MYOM1: variants seen among roughly 807,000 people sequenced by gnomAD.
MYOM1 encodes myomesin 1.
Under a neutral mutation model 205.3 loss-of-function variants are expected in MYOM1, and 164 were observed. The observed-to-expected ratio is 0.80, with a 90% CI of 0.70 to 0.91. The LOEUF (loss-of-function observed/expected upper bound fraction) is 0.91. Among genes scored for constraint, MYOM1 ranks in the 40% least tolerant of loss-of-function variants. The pLI, the probability that MYOM1 is intolerant of heterozygous loss-of-function variation, is 0.00. For missense variants in MYOM1, 2,011 were observed against 2,127.3 expected (o/e 0.95, Z 1.08); for synonymous variants, 772 against 789.4 (o/e 0.98, Z 0.37).
chr18:3,070,705 C>A (rs1176531791), intron 37 of MYOM1, among the ~76,000 whole-genome samples: 1 of 150,752 alleles, frequency 6.6e-6, no homozygotes, highest in Non-Finnish European at 1.5e-5. Context: ...AGTTTAAAAC[C>A]AAATGGAAAG....
At chr18:3,158,993 G>C (rs897396613) in intron 10 of MYOM1, among the ~76,000 whole-genome samples, 1 of 151,918 alleles carries the variant, frequency 6.6e-6, no homozygotes, top group Non-Finnish European at 1.5e-5. Context: ...CTTCTTTCAT[G>C]ACATTTTAAT....
intron 26 of MYOM1, among the ~76,000 whole-genome samples, chr18:3,092,243 C>T (rs953556068): frequency 2.6e-5 from 4 of 152,190 alleles, no homozygotes; most frequent in Non-Finnish European, 5.9e-5. Flanking sequence ...GATGCCCAGG[C>T]TGGAGTGCAG....
chr18:3,195,234 T>C (rs1443972181), intron 2 of MYOM1, among the ~76,000 whole-genome samples: 3 of 152,212 alleles, frequency 2.0e-5, no homozygotes, highest in Non-Finnish European at 4.4e-5. Flanking sequence ...GGAGGTCGCA[T>C]GGAAATGGCC....
intron 37 of MYOM1, 95 bp downstream of exon 37, chr18:3,071,739 C>T (rs948490510): frequency 1.2e-5 from 14 of 1,174,790 alleles, no homozygotes; most frequent in Middle Eastern, 1.9e-4. Flanking sequence ...AGGTGGTGGG[C>T]TGTTAAGTGT....
chr18:3,143,137 C>G (rs2080075925), intron 13 of MYOM1, among the ~76,000 whole-genome samples: 1 of 152,052 alleles, frequency 6.6e-6, no homozygotes, highest in Non-Finnish European at 1.5e-5. Flanking sequence ...ATATTAAAAG[C>G]AGATAGAGAA....
intron 2 of MYOM1, among the ~76,000 whole-genome samples, chr18:3,196,159 C>T (rs1486862708): frequency 1.3e-5 from 2 of 152,006 alleles, no homozygotes; most frequent in Non-Finnish European, 1.5e-5. Context: ...GGCTACCAAA[C>T]AAAACTAAAT....
At chr18:3,239,157 G>T in the MYOM1 span, among the ~76,000 whole-genome samples, 1 of 152,124 alleles carries the variant, frequency 6.6e-6, no homozygotes, top group Non-Finnish European at 1.5e-5. Flanking sequence ...ATGTTGATGG[G>T]GATACTCCAA....
chr18:3,127,305 A>ACAT (rs2079805401), intron 18 of MYOM1, among the ~76,000 whole-genome samples: 1 of 47,580 alleles, frequency 2.1e-5, no homozygotes, highest in South Asian at 8.8e-4. Flanking sequence ...ATATATATAT[A>ACAT]TTTTTTTTTT....
Position 3,152,715 on chromosome 18 carries a change from T to G in MYOM1, c.1644-822A>C, listed in dbSNP as rs2080238465. 6.6e-6 allele frequency among the ~76,000 whole-genome samples: 1 copy of G among 152,194 alleles called. No individual in the cohort carries two copies. ...TTTTTATGAGCAGAGTGCTGTACTT[T>G]TAGCTCATATCATTTCCCCAACATG... is the stretch of plus-strand genomic sequence containing the variant. On this transcript the variant is annotated intron_variant, in intron 11 of 37. Coordinates refer to ENST00000356443, the MANE Select transcript of MYOM1 (RefSeq NM_003803.4). The surrounding 1 kb of genome is among the most constrained non-coding windows in gnomAD (Gnocchi z 4.3).
chr18:3,086,894 C>T (rs1288402158), intron 29 of MYOM1, among the ~76,000 whole-genome samples: 2 of 152,128 alleles, frequency 1.3e-5, no homozygotes, highest in Non-Finnish European at 2.9e-5. Context: ...TGGGTGAAAA[C>T]TACATACCAT....
chr18:3,143,878 G>A (rs2080084839), intron 13 of MYOM1, among the ~76,000 whole-genome samples: 1 of 124,584 alleles, frequency 8.0e-6, no homozygotes, highest in South Asian at 2.7e-4. Context: ...TCCAGCTTGG[G>A]CAACAGAGTG....
At chr18:3,156,258 G>C (rs1442653666) in intron 10 of MYOM1, among the ~76,000 whole-genome samples, 1 of 152,162 alleles carries the variant, frequency 6.6e-6, no homozygotes, top group African/African-American at 2.4e-5. Flanking sequence ...AGACATGCAG[G>C]AGCCACTCAC....
At chr18:3,176,841 C>T (rs2080648054) in intron 5 of MYOM1, among the ~76,000 whole-genome samples, 1 of 151,918 alleles carries the variant, frequency 6.6e-6, no homozygotes, top group Non-Finnish European at 1.5e-5. Context: ...GAGATTGTGC[C>T]ACTGCACTCC....
chr18:3,173,642 G>T (rs1201112014), intron 8 of MYOM1, among the ~76,000 whole-genome samples: 3 of 150,210 alleles, frequency 2.0e-5, no homozygotes, highest in African/African-American at 7.4e-5. Flanking sequence ...TTCTGCCCAG[G>T]TTTGCATAAT....
intron 8 of MYOM1, among the ~76,000 whole-genome samples, chr18:3,173,246 T>C (rs1178863377): frequency 1.3e-5 from 2 of 152,252 alleles, no homozygotes; most frequent in Non-Finnish European, 2.9e-5. Flanking sequence ...TAGGTTTTTA[T>C]TTAATCATAT....
chr18:3,151,914 G>A lies in MYOM1; in HGVS notation c.1644-21C>T, dbSNP rs572484517. 3.1e-6 allele frequency: 5 copies of A among 1,601,182 alleles called. No individual in the cohort carries two copies. The South Asian group carries it at 5.6e-5, about 18-fold the overall frequency. Reference sequence around the variant, plus strand: ...CACACCTAAAGGAATGAGCGTGATTGACAAAAATATTAAAAGAAGTATGGC... The same window carrying A: ...CACACCTAAAGGAATGAGCGTGATTAACAAAAATATTAAAAGAAGTATGGC... On this transcript the variant is annotated intron_variant, in intron 11 of 37. Coordinates refer to ENST00000356443, the MANE Select transcript of MYOM1 (RefSeq NM_003803.4).
chr18:3,141,906 T>C, intron 14 of MYOM1, 33 bp downstream of exon 14: 1 of 1,611,898 alleles, frequency 6.2e-7, no homozygotes, highest in South Asian at 1.1e-5. Context: ...CCTTAGGAGG[T>C]AGTATGAGGT....
intron 2 of MYOM1, among the ~76,000 whole-genome samples, chr18:3,202,478 A>G (rs550611544): frequency 6.6e-6 from 1 of 152,316 alleles, no homozygotes; most frequent in East Asian, 1.9e-4. Flanking sequence ...TTTGTTAGTA[A>G]AAGGATAAAA....
At chr18:3,173,573 C>CAT (rs1397176555) in intron 8 of MYOM1, among the ~76,000 whole-genome samples, 1 of 136,914 alleles carries the variant, frequency 7.3e-6, no homozygotes, top group Non-Finnish European at 1.6e-5. Context: ...AGTCCAGACT[C>CAT]GTGTGTGTGT....
Sources: gnomAD v4.1 joint callset for allele counts (sites outside exome capture counted in the v4.1 genomes callset) on GRCh38, gnomAD v4.1.1 for gene constraint, Gnocchi (gnomAD v3.1) non-coding constraint, MANE v1.5 for transcripts, NCBI Gene and HGNC (gene_info 2026-07-23, HGNC 2026-07-21) for gene names.